The following TLN2 variants were observed in gnomAD, a reference collection of about 807,000 sequenced individuals.
TLN2 encodes the protein talin-2.
In TLN2, 118 loss-of-function variants were observed where a neutral mutation model predicts 294.7. That is an observed-to-expected ratio of 0.40 (90% CI 0.34 to 0.47). The LOEUF is 0.47. Ranked by LOEUF, TLN2 falls within the 20% of genes least tolerant of loss-of-function variation. The pLI, the probability that TLN2 is intolerant of heterozygous loss-of-function variation, is 0.84. For synonymous variants in TLN2, 1,431 were observed against 1,304.5 expected, an observed-to-expected ratio of 1.10 and a Z score of -2.09; for missense variants, 3,083 against 3,282.2, an observed-to-expected ratio of 0.94 and a Z score of 1.48.
At position 62,800,322 on chromosome 15, in the gene TLN2, C is replaced by T. The variant is rs573534557; in HGVS notation, c.6235-46C>T. 121 of 1,597,756 alleles carry T rather than the reference C, an allele frequency of 7.6e-5. 1 individual carries two copies. In the South Asian group the frequency reaches 1.3e-3, roughly 18 times the overall value. On this transcript the variant is annotated intron_variant, in intron 48 of 58. Coordinates refer to ENST00000636159, the MANE Select transcript of TLN2 (RefSeq NM_015059.3). The stretch of plus-strand genomic sequence containing the variant: ...CTGCATGCCTTGGTAAAGCCCACAG[C>T]TGACATCTTGACGCCTGCTCACCTG...
intron 1 of TLN2, among the ~76,000 whole-genome samples, chr15:62,529,867 G>A (rs1163643711): frequency 1.3e-5 from 2 of 152,200 alleles, no homozygotes; most frequent in Non-Finnish European, 2.9e-5. Flanking sequence ...CCAGTTCCCT[G>A]TTGATGGACA....
chr15:62,467,848 G>A (rs1354762761), intron 1 of TLN2, among the ~76,000 whole-genome samples: 1 of 152,170 alleles, frequency 6.6e-6, no homozygotes, highest in African/African-American at 2.4e-5. Flanking sequence ...TTAGTCCTTT[G>A]TGGAGTTTTG....
At chr15:62,549,502 A>ATCCG (rs2042180206) in intron 1 of TLN2, among the ~76,000 whole-genome samples, 1 of 151,882 alleles carries the variant, frequency 6.6e-6, no homozygotes, top group African/African-American at 2.4e-5. Context: ...CCATCCATCC[A>ATCCG]TCCATCCATC....
chr15:62,675,988 T>G (rs1045416420), intron 11 of TLN2, among the ~76,000 whole-genome samples: 1 of 152,216 alleles, frequency 6.6e-6, no homozygotes, highest in African/African-American at 2.4e-5. Context: ...TCTGCTTGTT[T>G]TGCTTTGACC....
chr15:62,719,716 G>C (rs190972859), intron 24 of TLN2, 51 bp from the exon 25 acceptor site: 1 of 1,437,336 alleles, frequency 7.0e-7, no homozygotes, highest in East Asian at 2.4e-5. Context: ...AGCTTCTTTG[G>C]ATGGTCCCAC....
At chr15:62,776,939 C>T in intron 43 of TLN2, 29 bp downstream of exon 43, 1 of 1,445,896 alleles carries the variant, frequency 6.9e-7, no homozygotes, top group East Asian at 2.6e-5. Context: ...GCTCTCTACT[C>T]CCTTATCTCC....
chr15:62,393,049 T>G (rs2032234015), intron 1 of TLN2, among the ~76,000 whole-genome samples: 1 of 151,928 alleles, frequency 6.6e-6, no homozygotes, highest in Non-Finnish European at 1.5e-5. Flanking sequence ...GAGCCCAAGA[T>G]ATATTTTTCC....
chr15:62,492,281 G>A (rs982326527), intron 1 of TLN2, among the ~76,000 whole-genome samples: 2 of 151,690 alleles, frequency 1.3e-5, no homozygotes, highest in Non-Finnish European at 2.9e-5. Flanking sequence ...GATACTAGCC[G>A]GGTGCGGTGG....
intron 1 of TLN2, among the ~76,000 whole-genome samples, chr15:62,583,382 A>G (rs750097567): frequency 6.6e-6 from 1 of 152,342 alleles, no homozygotes; most frequent in South Asian, 2.1e-4. Context: ...TTAGACTTCT[A>G]TTGAAAACAA....
intron 1 of TLN2, among the ~76,000 whole-genome samples, chr15:62,538,688 A>G (rs2041500920): frequency 6.6e-6 from 1 of 152,198 alleles, no homozygotes; most frequent in South Asian, 2.1e-4. Context: ...AGTTAGTTGT[A>G]CCTGTAAATT....
intron 1 of TLN2, among the ~76,000 whole-genome samples, chr15:62,557,774 C>T (rs1302663995): frequency 6.6e-6 from 1 of 152,208 alleles, no homozygotes; most frequent in Non-Finnish European, 1.5e-5. Context: ...CTCCTGACCT[C>T]AAGTGATCCA....
Position 62,699,233 on chromosome 15 carries a change from A to G in TLN2, c.1587+366A>G, listed in dbSNP as rs570924884. 6.3e-4 allele frequency among the ~76,000 whole-genome samples: 96 copies of G among 152,290 alleles called. No individual in the cohort carries two copies. In the Middle Eastern group the frequency reaches 0.01, roughly 16 times the overall value. On this transcript the variant is annotated intron_variant, in intron 16 of 58. Transcript: ENST00000636159. The stretch of plus-strand genomic sequence containing the variant: ...AAGATGCAATGATCTAATCACCTGT[A>G]GAGTTCTTAGCACAGCCCCTCGCAC...
intron 1 of TLN2, among the ~76,000 whole-genome samples, chr15:62,553,856 A>G (rs374598643): frequency 1.1e-4 from 17 of 152,054 alleles, no homozygotes; most frequent in African/African-American, 4.1e-4. Flanking sequence ...GAGAAATTAT[A>G]TAGTGATGCT....
At chr15:62,462,740 A>G (rs187027042) in intron 1 of TLN2, among the ~76,000 whole-genome samples, 2 of 152,350 alleles carry the variant, frequency 1.3e-5, no homozygotes, top group Admixed American at 6.5e-5. Flanking sequence ...TTCCGGAACC[A>G]GAACCAGTGT....
At chr15:62,640,474 C>T (rs1183360527) in intron 3 of TLN2, 2 of 412,002 alleles carry the variant, frequency 4.9e-6, no homozygotes, top group African/African-American at 4.1e-5. Flanking sequence ...TGGGCACAAA[C>T]CCCTGCTTTA....
rs143702597 is a variant in TLN2, at chr15:62,442,365, G to C, written c.-238+51680G>C. 1.8e-3 allele frequency among the ~76,000 whole-genome samples: 274 copies of C among 151,794 alleles called. 2 individuals carry two copies. In the East Asian group the frequency reaches 0.044, roughly 24 times the overall value. ...CAAAAATTAGCTGGTGTGGTGGTGC[G>C]TGCCTGTAATCCCAGCTACTCGGGA... On this transcript the variant is annotated intron_variant, in intron 1 of 58. Coordinates refer to ENST00000636159, the MANE Select transcript of TLN2 (RefSeq NM_015059.3).
In TLN2 at chr15:62,653,291, C is replaced by T; in HGVS notation, c.494C>T (p.Ala165Val). ...RDERKMEKLK[A>V]KLHTDDDLNW... ...GAGAGGAAAATGGAGAAGTTGAAGGCCAAGCTGCACACAGATGATGACCGT... is the reference window on the plus strand; with the variant it reads ...GAGAGGAAAATGGAGAAGTTGAAGGTCAAGCTGCACACAGATGATGACCGT... Residue 165 changes from alanine to valine, a missense_variant, in exon 7 of 59, where the codon GCC becomes GTC. Ala to Val is a moderately conservative substitution (Grantham distance 64). Coordinates refer to ENST00000636159, the MANE Select transcript of TLN2 (RefSeq NM_015059.3). 6.2e-7 allele frequency: 1 copy of T among 1,613,308 alleles called. No individual in the cohort carries two copies. The highest frequency in any genetic ancestry group is 8.5e-7 in the Non-Finnish European group (1 of 1,179,748).
chr15:62,700,501 A>G (rs961776141), intron 16 of TLN2, among the ~76,000 whole-genome samples: 3 of 152,198 alleles, frequency 2.0e-5, no homozygotes, highest in Admixed American at 1.3e-4. Context: ...GGACCTGCCT[A>G]TGATTTGCCC....
Position 62,820,500 on chromosome 15 carries a change from G to T in TLN2, c.6892G>T (p.Asp2298Tyr). Residue 2298 changes from aspartate (D) to tyrosine (Y), a missense_variant, in exon 54 of 59, where the codon GAT becomes TAT. Physicochemically the swap from Asp to Tyr is radical, Grantham distance 160. Transcript: ENST00000636159. ...AEAMKGTEWV[D>Y]PEDPTVIAET... is the part of the protein sequence containing the mutation. ...ACTGATTCTAGGAACAGAGTGGGTG[G>T]ATCCAGAAGACCCAACTGTCATTGC... 6.2e-7 allele frequency: 1 copy of T among 1,613,966 alleles called. No homozygotes were observed. The highest frequency in any genetic ancestry group is 1.1e-5 in the South Asian group (1 of 91,054).
Sources: gnomAD v4.1 joint callset for allele counts (sites outside exome capture counted in the v4.1 genomes callset) on GRCh38, gnomAD v4.1.1 for gene constraint, MANE v1.5 for transcripts, NCBI Gene and HGNC (gene_info 2026-07-23, HGNC 2026-07-21) for gene names.